The following COL27A1 variants were observed in gnomAD, a reference collection of about 807,000 sequenced individuals.
COL27A1 encodes collagen type XXVII alpha 1 chain, also known as collagen alpha-1(XXVII) chain.
Under a neutral mutation model 251.3 loss-of-function variants are expected in COL27A1, and 106 were observed. The ratio of observed to expected loss-of-function variants is 0.42; its 90% CI spans 0.36 to 0.50. The LOEUF (loss-of-function observed/expected upper bound fraction) is 0.50, where lower values mean the gene tolerates loss of function less well. COL27A1 is among the 20% of genes least tolerant of loss of function. COL27A1 has a pLI of 0.00. For synonymous variants in COL27A1, 1,000 were observed against 986.3 expected (o/e 1.01, Z -0.26); for missense variants, 2,325 against 2,522.8 (o/e 0.92, Z 1.68).
chr9:114,227,814 G>A (rs1831599795), intron 14 of COL27A1, among the ~76,000 whole-genome samples: 1 of 152,162 alleles, frequency 6.6e-6, no homozygotes. Context: ...TTTTTCATGG[G>A]GACATGACAT....
At chr9:114,256,702 G>T (rs966094335) in intron 27 of COL27A1, among the ~76,000 whole-genome samples, 1 of 152,146 alleles carries the variant, frequency 6.6e-6, no homozygotes, top group Non-Finnish European at 1.5e-5. Flanking sequence ...AGGGGGTAAG[G>T]ACTCTTCTAT....
chr9:114,231,119 C>A lies in COL27A1; in HGVS notation c.2507C>A (p.Pro836His). ...GVLGPIGYPGPKGMKGLMGSV... is the reference protein window; with the variant it reads ...GVLGPIGYPGHKGMKGLMGSV... ...TTGGGTCCGATTGGCTACCCGGGACCCAAGGGCATGAAGGTAAGCAAGGGA... is the reference window on the plus strand; with the variant it reads ...TTGGGTCCGATTGGCTACCCGGGACACAAGGGCATGAAGGTAAGCAAGGGA... Residue 836 changes from proline to histidine, a missense_variant, in exon 15 of 61, where the codon CCC (proline) becomes CAC (histidine). By Grantham distance (77) the Pro-to-His change is moderately conservative. Around this residue, in one of 4 missense-constraint regions of COL27A1, gnomAD observed 1,183 missense variants for 1,144.1 expected, o/e 1.03. Coordinates refer to ENST00000356083, the MANE Select transcript of COL27A1 (RefSeq NM_032888.4). 6.2e-7 allele frequency: 1 copy of A among 1,613,460 alleles called. No individual in the cohort carries two copies. Among genetic ancestry groups the A allele is most frequent in the East Asian group, 2.2e-5 (1 of 44,874 alleles).
Position 114,292,128 on chromosome 9 carries a change from TG to T in COL27A1, c.4505del (p.Gly1502ValfsTer65). 1 of 1,559,486 alleles carries T rather than the reference TG, an allele frequency of 6.4e-7. No individual in the cohort carries two copies. The highest frequency in any genetic ancestry group is 1.9e-5 in the Admixed American group (1 of 51,936). On this transcript the variant is annotated frameshift_variant, in exon 49 of 61. Coordinates refer to ENST00000356083, the MANE Select transcript of COL27A1 (RefSeq NM_032888.4). LOFTEE classifies it high-confidence loss of function. ...GGTGAGAGTGGGTTACCCGGACAGC[TG>T]GGTCCCCCTGGCAAGCGAGGAACAG... is the stretch of plus-strand genomic sequence containing the variant. ...FKGESGLPGQLGPPGKRGTEG... is the reference protein window; with the variant it reads ...FKGESGLPGQXGPPGKRGTEG...
chr9:114,197,356 A>T lies in COL27A1; in HGVS notation c.2124+1344A>T, dbSNP rs140635106. Among the ~76,000 whole-genome samples, 27 of 152,242 alleles carry T rather than the reference A, an allele frequency of 1.8e-4. 1 individual carries two copies. In the East Asian group the frequency reaches 5.2e-3, roughly 30 times the overall value. Reference sequence around the variant, plus strand: ...CCCTTCTCCATGGCCAGAGCAGGCCATACCTTCAACCTGAGAGGCCCACCC... The same window carrying T: ...CCCTTCTCCATGGCCAGAGCAGGCCTTACCTTCAACCTGAGAGGCCCACCC... On this transcript the variant is annotated intron_variant, in intron 7 of 60. Coordinates refer to ENST00000356083, the MANE Select transcript of COL27A1 (RefSeq NM_032888.4).
Position 114,310,717 on chromosome 9 carries a change from T to C in COL27A1, c.*22T>C. ...CTGACCTCTGACCTCGTGGCCACTC[T>C]AGGCCTCACGGAGGAGGGAAGAGGA... On this transcript the variant is annotated 3_prime_UTR_variant, in exon 61 of 61. Coordinates refer to ENST00000356083, the MANE Select transcript of COL27A1 (RefSeq NM_032888.4). 1.2e-6 allele frequency: 2 copies of C among 1,612,864 alleles called. No homozygotes were observed. Among genetic ancestry groups the C allele is most frequent in the Non-Finnish European group, 1.7e-6 (2 of 1,179,156 alleles).
chr9:114,219,806 T>C lies in COL27A1; in HGVS notation c.2383T>C (p.Phe795Leu). ...KMGMPGFPGV[F>L]GERGPPGLDG... ...TGCCCTCCAGGGGTTTCCTGGAGTC[T>C]TTGGGGAAAGAGGCCCTCCTGGACT... Residue 795 changes from phenylalanine to leucine, a missense_variant, in exon 13 of 61, where the codon TTT (phenylalanine) becomes CTT (leucine). By Grantham distance (22) the Phe-to-Leu change is conservative. Transcript: ENST00000356083. 6.2e-7 allele frequency: 1 copy of C among 1,611,294 alleles called. No individual in the cohort carries two copies. Among genetic ancestry groups the C allele is most frequent in the South Asian group, 1.1e-5 (1 of 91,024 alleles).
chr9:114,293,076 C>A (rs540675408), intron 49 of COL27A1, among the ~76,000 whole-genome samples: 10 of 152,334 alleles, frequency 6.6e-5, no homozygotes, highest in African/African-American at 2.4e-4. Flanking sequence ...TCTTGAACTG[C>A]ATTATCAACC....
At chr9:114,178,219 G>T in intron 3 of COL27A1, 72 bp from the exon 4 acceptor site, 1 of 1,316,894 alleles carries the variant, frequency 7.6e-7, no homozygotes, top group South Asian at 1.2e-5. Context: ...CGGGATTGTT[G>T]AATGACTGCT....
chr9:114,246,830 T>C (rs1003413857), intron 24 of COL27A1, among the ~76,000 whole-genome samples: 2 of 151,932 alleles, frequency 1.3e-5, no homozygotes, highest in Non-Finnish European at 2.9e-5. Context: ...GCCCGGGAGT[T>C]TGGAGAGGCT....
In COL27A1 at chr9:114,178,864, C is replaced by T. The variant is rs560536183; in HGVS notation, c.1962+520C>T. Among the ~76,000 whole-genome samples the T allele has an allele frequency of 1.4e-4, 21 of 152,216 alleles. No individual in the cohort carries two copies. The East Asian group carries it at 4.1e-3, about 29-fold the overall frequency. ...CCCAAGCCCGAGAGGGAAAATAGCTCCTATGTGATGTGCCTGGCACCTTCT... is the reference window on the plus strand; with the variant it reads ...CCCAAGCCCGAGAGGGAAAATAGCTTCTATGTGATGTGCCTGGCACCTTCT... On this transcript the variant is annotated intron_variant, in intron 4 of 60. Coordinates refer to ENST00000356083, the MANE Select transcript of COL27A1 (RefSeq NM_032888.4).
chr9:114,200,516 A>T (rs907865334), intron 7 of COL27A1, among the ~76,000 whole-genome samples: 1 of 152,238 alleles, frequency 6.6e-6, no homozygotes, highest in African/African-American at 2.4e-5. Context: ...TAACTGGATG[A>T]ATGAATGAGC....
intron 32 of COL27A1, among the ~76,000 whole-genome samples, chr9:114,266,059 G>T (rs1354260050): frequency 6.6e-6 from 1 of 152,124 alleles, no homozygotes; most frequent in African/African-American, 2.4e-5. Context: ...GCTGGAGAGT[G>T]GTGCTACAAG....
intron 8 of COL27A1, among the ~76,000 whole-genome samples, 176 bp downstream of exon 8, chr9:114,205,322 G>A (rs1033856330): frequency 6.6e-6 from 1 of 152,202 alleles, no homozygotes; most frequent in Non-Finnish European, 1.5e-5. Flanking sequence ...CTCTCGCCCA[G>A]CCACATTTGC....
At chr9:114,276,944 C>T (rs773128675) in intron 37 of COL27A1, among the ~76,000 whole-genome samples, 6 of 152,160 alleles carry the variant, frequency 3.9e-5, no homozygotes, top group Non-Finnish European at 5.9e-5. Context: ...TTGGGAAAAT[C>T]GGAGAGGTAA....
chr9:114,243,481 C>T, intron 22 of COL27A1, 26 bp from the exon 23 acceptor site: 1 of 1,612,004 alleles, frequency 6.2e-7, no homozygotes, highest in Non-Finnish European at 8.5e-7. Flanking sequence ...TCCAGCTTCT[C>T]CCACTTACCT....
intron 23 of COL27A1, among the ~76,000 whole-genome samples, chr9:114,245,158 T>G (rs201898906): frequency 0.024 from 3,005 of 127,794 alleles, 116 homozygotes; most frequent in African/African-American, 0.07. Flanking sequence ...GTTTTTTTTT[T>G]TTTTTTTTTT....
intron 50 of COL27A1, 86 bp downstream of exon 50, chr9:114,300,209 G>A: frequency 7.2e-7 from 1 of 1,386,082 alleles, no homozygotes; most frequent in Non-Finnish European, 1.0e-6. Flanking sequence ...AATATTTATG[G>A]AGCACTGAAA....
At chr9:114,258,677 G>T in intron 28 of COL27A1, 83 bp downstream of exon 28, 1 of 1,420,802 alleles carries the variant, frequency 7.0e-7, no homozygotes. Flanking sequence ...AGACTGCCTG[G>T]GCTTTGCCCC....
At chr9:114,285,301 G>T (rs192519603) in intron 41 of COL27A1, among the ~76,000 whole-genome samples, 3 of 152,110 alleles carry the variant, frequency 2.0e-5, no homozygotes, top group Non-Finnish European at 4.4e-5. Flanking sequence ...TAGAGGAGAG[G>T]AATTGCTGGA....
Sources: gnomAD v4.1 joint callset for allele counts (sites outside exome capture counted in the v4.1 genomes callset) on GRCh38, gnomAD v4.1.1 for gene constraint, gnomAD v4.1.1 regional missense constraint, MANE v1.5 for transcripts, NCBI Gene and HGNC (gene_info 2026-07-23, HGNC 2026-07-21) for gene names.